The following FGF10 variants were observed in gnomAD, a reference collection of about 807,000 sequenced individuals.
FGF10 encodes the protein fibroblast growth factor 10, also known as FGF-10.
In FGF10, 2 loss-of-function variants were observed where a neutral mutation model predicts 19.8. The ratio of observed to expected loss-of-function variants is 0.10; its 90% CI spans 0.04 to 0.32. FGF10 has a LOEUF of 0.32. Among genes scored for constraint, FGF10 ranks in the 10% least tolerant of loss-of-function variants. The pLI is 1.00. For synonymous variants in FGF10, 112 were observed against 94.0 expected (o/e 1.19, Z -1.10); for missense variants, 191 against 246.3 (o/e 0.78, Z 1.50).
intron 2 of FGF10, among the ~76,000 whole-genome samples, chr5:44,310,168 A>C (rs1250364740): frequency 2.0e-5 from 3 of 152,096 alleles, no homozygotes; most frequent in Non-Finnish European, 4.4e-5. Flanking sequence ...TGAGAGCCTG[A>C]CTTGGTTAGC....
At chr5:44,358,804 T>A (rs1249960289) in intron 1 of FGF10, among the ~76,000 whole-genome samples, 1 of 151,438 alleles carries the variant, frequency 6.6e-6, no homozygotes. Flanking sequence ...CCTCCGCACA[T>A]CAGTTTTAAT....
At chr5:44,349,628 T>A (rs1741191175) in intron 1 of FGF10, among the ~76,000 whole-genome samples, 1 of 149,248 alleles carries the variant, frequency 6.7e-6, no homozygotes, top group Admixed American at 6.7e-5. Flanking sequence ...GACTCATACT[T>A]CATTTTGAAA....
At chr5:44,312,195 T>TACACAC (rs35763425) in intron 1 of FGF10, among the ~76,000 whole-genome samples, 7 of 150,264 alleles carry the variant, frequency 4.7e-5, no homozygotes, top group South Asian at 4.2e-4. Flanking sequence ...TTCCCTAAGG[T>TACACAC]ACACACACAC....
At chr5:44,369,893 A>T (rs1018687672) in intron 1 of FGF10, among the ~76,000 whole-genome samples, 1 of 152,150 alleles carries the variant, frequency 6.6e-6, no homozygotes, top group Non-Finnish European at 1.5e-5. Context: ...TTTTCAGATT[A>T]TCTCAAGCTC....
intron 1 of FGF10, among the ~76,000 whole-genome samples, chr5:44,322,905 C>T (rs772353287): frequency 1.3e-5 from 2 of 151,996 alleles, no homozygotes; most frequent in African/African-American, 2.4e-5. Context: ...AGTAATGTGA[C>T]TGAATCCCCC....
At position 44,388,632 on chromosome 5, in the gene FGF10, G is replaced by A. The variant is rs1395127710; in HGVS notation, c.51C>T (p.Pro17=). The A allele has an allele frequency of 1.9e-6, 3 of 1,614,096 alleles. No individual in the cohort carries two copies. The highest frequency in any genetic ancestry group is 2.5e-6 in the Non-Finnish European group (3 of 1,180,028). ...ACAAAAAGCAGCAGCAGCAGCAGCC[G>A]GGCAGGTGGGGAAAGGCTGAGGCAC... The part of the protein sequence containing the change: ...THCASAFPHL[P]GCCCCCFLLL... Residue 17 remains proline (P), a synonymous_variant, in exon 1 of 3, where the codon CCC becomes CCT. Coordinates refer to ENST00000264664, the MANE Select transcript of FGF10 (RefSeq NM_004465.2).
Position 44,389,179 on chromosome 5 carries a change from G to T in FGF10, c.-497C>A. 1 of 208,080 alleles carries T rather than the reference G, an allele frequency of 4.8e-6. No homozygotes were observed. The highest frequency in any genetic ancestry group is 2.3e-5 in the African/African-American group (1 of 44,276). 12.9% of individuals were successfully genotyped at this position (208,080 alleles called of 1,614,324 possible). A position where few individuals can be genotyped will look rare whatever the true frequency, so the allele number is the denominator to read the frequency against. ...GTCTCTCTCTGCGGAGCCCCAGCCTGCGAGCCACTTCTACAAGTATATCCC... is the reference window on the plus strand; with the variant it reads ...GTCTCTCTCTGCGGAGCCCCAGCCTTCGAGCCACTTCTACAAGTATATCCC... On this transcript the variant is annotated 5_prime_UTR_variant, in exon 1 of 3. Transcript: ENST00000264664.
chr5:44,367,958 G>A (rs796895668), intron 1 of FGF10, among the ~76,000 whole-genome samples: 1 of 151,352 alleles, frequency 6.6e-6, no homozygotes, highest in African/African-American at 2.4e-5. Context: ...AAACTGAATT[G>A]CCTCAAAACC....
intron 1 of FGF10, among the ~76,000 whole-genome samples, chr5:44,327,009 A>G (rs921722335): frequency 6.6e-6 from 1 of 152,056 alleles, no homozygotes; most frequent in East Asian, 1.9e-4. Flanking sequence ...TGCCCAGGGT[A>G]CTCAGTGGGG....
At chr5:44,309,773 G>A (rs1254513021) in intron 2 of FGF10, among the ~76,000 whole-genome samples, 1 of 152,030 alleles carries the variant, frequency 6.6e-6, no homozygotes, top group Non-Finnish European at 1.5e-5. Context: ...TTGCAGAAGT[G>A]GTATTCCAAA....
At chr5:44,322,789 A>G (rs1740528020) in intron 1 of FGF10, among the ~76,000 whole-genome samples, 1 of 151,778 alleles carries the variant, frequency 6.6e-6, no homozygotes, top group Non-Finnish European at 1.5e-5. Flanking sequence ...AGTTGCAGGA[A>G]AACAAGCTCA....
chr5:44,319,768 A>G (rs1271019133), intron 1 of FGF10, among the ~76,000 whole-genome samples: 1 of 152,214 alleles, frequency 6.6e-6, no homozygotes, highest in Non-Finnish European at 1.5e-5. Context: ...AAGACAATTT[A>G]TCTATTTATG....
intron 1 of FGF10, among the ~76,000 whole-genome samples, chr5:44,371,589 T>G (rs1741742966): frequency 6.6e-6 from 1 of 152,180 alleles, no homozygotes; most frequent in Non-Finnish European, 1.5e-5. Context: ...CAAGTCAGAT[T>G]GAATGTATCG....
intron 1 of FGF10, among the ~76,000 whole-genome samples, chr5:44,363,893 A>G (rs1741546271): frequency 6.6e-6 from 1 of 151,838 alleles, no homozygotes; most frequent in Admixed American, 6.6e-5. Flanking sequence ...TACACAAATA[A>G]GATAGCCCTG....
intron 1 of FGF10, among the ~76,000 whole-genome samples, chr5:44,339,769 C>A (rs1359521477): frequency 1.3e-5 from 2 of 152,098 alleles, no homozygotes; most frequent in Non-Finnish European, 2.9e-5. Flanking sequence ...TAAATTCTTC[C>A]CTTCTTTCAG....
chr5:44,319,530 T>A (rs921137323), intron 1 of FGF10, among the ~76,000 whole-genome samples: 1 of 152,150 alleles, frequency 6.6e-6, no homozygotes, highest in Non-Finnish European at 1.5e-5. Flanking sequence ...CCCTGAGTAG[T>A]TTTAAATACT....
At chr5:44,367,581 C>T (rs987501821) in intron 1 of FGF10, among the ~76,000 whole-genome samples, 7 of 151,988 alleles carry the variant, frequency 4.6e-5, no homozygotes, top group African/African-American at 1.2e-4. Flanking sequence ...AGTTACTCGG[C>T]TTCTCAGTAG....
chr5:44,379,965 C>CA (rs1741950617), intron 1 of FGF10, among the ~76,000 whole-genome samples: 1 of 152,166 alleles, frequency 6.6e-6, no homozygotes, highest in African/African-American at 2.4e-5. Context: ...TATTTGAGCT[C>CA]TAAAACACTA....
Position 44,325,240 on chromosome 5 carries a change from T to C in FGF10, c.326-14710A>G, listed in dbSNP as rs1740583380. The stretch of plus-strand genomic sequence containing the variant: ...CATTAAAAAGTCAGGAAACAACAGG[T>C]GCTGGAGAGGATGTGGAGAAATAGG... On this transcript the variant is annotated intron_variant, in intron 1 of 2. Transcript: ENST00000264664. Among the ~76,000 whole-genome samples the C allele has an allele frequency of 3.9e-5, 6 of 152,110 alleles. No individual in the cohort carries two copies. In the South Asian group the frequency reaches 1.2e-3, roughly 32 times the overall value.
Sources: allele counts gnomAD v4.1 joint callset (sites outside exome capture counted in the v4.1 genomes callset), GRCh38; gene constraint gnomAD v4.1.1; transcripts MANE v1.5; gene names NCBI Gene and HGNC (gene_info 2026-07-23, HGNC 2026-07-21).